The following IGSF11 variants were observed in gnomAD, a reference collection of about 807,000 sequenced individuals.
IGSF11 encodes immunoglobulin superfamily member 11.
A neutral mutation model predicts 41.0 loss-of-function variants in IGSF11; 22 were observed. The ratio of observed to expected loss-of-function variants is 0.54; its 90% CI spans 0.38 to 0.77. The LOEUF (loss-of-function observed/expected upper bound fraction) is 0.77, where lower values mean the gene tolerates loss of function less well. IGSF11 is among the 30% of genes least tolerant of loss of function. The pLI is 0.00. For synonymous variants in IGSF11, 219 were observed against 201.3 expected, an observed-to-expected ratio of 1.09 and a Z score of -0.74; for missense variants, 444 against 530.8, an observed-to-expected ratio of 0.84 and a Z score of 1.61.
chr3:119,021,242 C>T (rs908369321), intron 1 of IGSF11, among the ~76,000 whole-genome samples: 19 of 152,034 alleles, frequency 1.2e-4, no homozygotes, highest in Non-Finnish European at 2.4e-4. Flanking sequence ...TATTTTAAAA[C>T]AAATTACTAT....
chr3:119,069,231 A>G (rs1372686723), intron 1 of IGSF11, among the ~76,000 whole-genome samples: 1 of 152,144 alleles, frequency 6.6e-6, no homozygotes, highest in African/African-American at 2.4e-5. Flanking sequence ...CCTGGCCAAC[A>G]ATGGTTATTT....
intron 1 of IGSF11, among the ~76,000 whole-genome samples, chr3:119,116,165 T>C (rs988129159): frequency 2.6e-5 from 4 of 152,224 alleles, no homozygotes; most frequent in African/African-American, 7.2e-5. Context: ...GACTCAGTAA[T>C]GTAAATTATC....
intron 1 of IGSF11, among the ~76,000 whole-genome samples, chr3:119,077,428 C>T (rs1453339551): frequency 1.3e-5 from 2 of 151,954 alleles, no homozygotes; most frequent in African/African-American, 4.8e-5. Flanking sequence ...AAAAAAGAAA[C>T]ATCACACTGT....
intron 1 of IGSF11, among the ~76,000 whole-genome samples, chr3:119,141,975 A>C (rs1228662920): frequency 6.6e-6 from 1 of 152,088 alleles, no homozygotes; most frequent in Admixed American, 6.6e-5. Context: ...TTGAATAATT[A>C]GTGTATCAAA....
In IGSF11 at chr3:118,904,734, A is replaced by G; in HGVS notation, c.768T>C (p.Phe256=). The stretch of plus-strand genomic sequence containing the variant: ...ATGCCCCTAAAATTAGTGCAATGCA[A>G]AAAATGATAATAACTGCACCAGTGC... ...AIGTGAVIII[F]CIALILGAFF... Residue 256 remains phenylalanine (F), a synonymous_variant, in exon 6 of 7, where the codon TTT becomes TTC. Coordinates refer to ENST00000393775, the MANE Select transcript of IGSF11 (RefSeq NM_001015887.3). 6.2e-7 allele frequency: 1 copy of G among 1,613,834 alleles called. No individual in the cohort carries two copies. The highest frequency in any genetic ancestry group is 8.5e-7 in the Non-Finnish European group (1 of 1,179,762).
At chr3:118,970,524 A>C (rs1933267905) in intron 1 of IGSF11, among the ~76,000 whole-genome samples, 1 of 152,218 alleles carries the variant, frequency 6.6e-6, no homozygotes, top group South Asian at 2.1e-4. Context: ...TCCTGCCTTT[A>C]AGATTATCAG....
intron 1 of IGSF11, among the ~76,000 whole-genome samples, chr3:118,959,429 A>G (rs1273326397): frequency 2.0e-5 from 3 of 152,226 alleles, no homozygotes; most frequent in African/African-American, 4.8e-5. Context: ...ACCATACTCT[A>G]GACAAACGAA....
intron 4 of IGSF11, among the ~76,000 whole-genome samples, chr3:118,912,406 G>T (rs142824668): frequency 4.5e-4 from 68 of 152,258 alleles, no homozygotes; most frequent in African/African-American, 1.6e-3. Flanking sequence ...CAGCTCCTGT[G>T]AGCTAGCTCC....
chr3:119,022,158 C>T (rs1049420032), intron 1 of IGSF11, among the ~76,000 whole-genome samples: 1 of 152,054 alleles, frequency 6.6e-6, no homozygotes, highest in Admixed American at 6.5e-5. Context: ...AAACATTATG[C>T]TAAGTGAAAT....
chr3:119,075,048 T>C (rs2076470103), intron 1 of IGSF11, among the ~76,000 whole-genome samples: 1 of 151,956 alleles, frequency 6.6e-6, no homozygotes, highest in African/African-American at 2.4e-5. Context: ...AACCAAAAGA[T>C]GGTTCTTCAA....
intron 4 of IGSF11, among the ~76,000 whole-genome samples, chr3:118,923,936 G>A (rs1226002003): frequency 1.3e-5 from 2 of 152,078 alleles, no homozygotes; most frequent in Non-Finnish European, 2.9e-5. Flanking sequence ...TCTCCCTTAC[G>A]AAGTTACTTT....
rs1936568012 is a variant in IGSF11 at position 118,999,199 on chromosome 3, C to T, written c.52+35332G>A. On this transcript the variant is annotated intron_variant, in intron 1 of 6. Transcript: ENST00000393775. ...ATGAGAAAAACTTACTAATAAATAT[C>T]TTACTTTTTTTGAAATTTGAGCCAT... Among the ~76,000 whole-genome samples, 4 of 151,860 alleles carry T rather than the reference C, an allele frequency of 2.6e-5. No homozygotes were observed. The South Asian group carries it at 8.3e-4, about 32-fold the overall frequency.
upstream of IGSF11, among the ~76,000 whole-genome samples, chr3:119,106,439 C>T (rs2077026185): frequency 6.6e-6 from 1 of 152,266 alleles, no homozygotes; most frequent in East Asian, 1.9e-4. Context: ...TTTCTAGCTC[C>T]CACAAATAAG....
At chr3:118,925,754 T>C (rs527331310) in intron 4 of IGSF11, among the ~76,000 whole-genome samples, 3 of 152,106 alleles carry the variant, frequency 2.0e-5, no homozygotes, top group African/African-American at 7.2e-5. Context: ...CCTAGTAAAA[T>C]AGGCAGCTCT....
chr3:118,973,602 G>T (rs1439761787), intron 1 of IGSF11, among the ~76,000 whole-genome samples: 1 of 151,942 alleles, frequency 6.6e-6, no homozygotes, highest in Non-Finnish European at 1.5e-5. Context: ...CAACTTCTCA[G>T]CATTGCTACA....
intron 1 of IGSF11, among the ~76,000 whole-genome samples, chr3:119,004,300 G>A (rs199872132): frequency 8.6e-5 from 13 of 151,476 alleles, no homozygotes; most frequent in Non-Finnish European, 1.6e-4. Context: ...CTGTGGGATC[G>A]GTGGTGATAC....
intron 1 of IGSF11, among the ~76,000 whole-genome samples, chr3:119,069,259 G>A (rs1942329367): frequency 6.6e-6 from 1 of 152,134 alleles, no homozygotes; most frequent in African/African-American, 2.4e-5. Flanking sequence ...CTTTGGTAGA[G>A]AGGAGAGACA....
intron 1 of IGSF11, among the ~76,000 whole-genome samples, chr3:119,074,195 C>T (rs2076452841): frequency 6.6e-6 from 1 of 152,066 alleles, no homozygotes; most frequent in African/African-American, 2.4e-5. Flanking sequence ...ACACTCTACC[C>T]AACAACAACA....
rs574548616 is a variant in IGSF11 at position 118,951,812 on chromosome 3, C to T, written c.53-21537G>A. On this transcript the variant is annotated intron_variant, in intron 1 of 6. Coordinates refer to ENST00000393775, the MANE Select transcript of IGSF11 (RefSeq NM_001015887.3). Reference sequence around the variant, plus strand: ...AGATTACATACAATACCTAACACAACGTAAATGCTATGTAAATATAGTATT... The same window carrying T: ...AGATTACATACAATACCTAACACAATGTAAATGCTATGTAAATATAGTATT... 5.5e-4 allele frequency among the ~76,000 whole-genome samples: 83 copies of T among 152,192 alleles called. 1 individual carries two copies. The highest frequency in any genetic ancestry group is 1.8e-3 in the African/African-American group (75 of 41,530).
Sources: allele counts gnomAD v4.1 joint callset (sites outside exome capture counted in the v4.1 genomes callset), GRCh38; gene constraint gnomAD v4.1.1; transcripts MANE v1.5; gene names NCBI Gene and HGNC (gene_info 2026-07-23, HGNC 2026-07-21).